MDGA2: variants seen among roughly 807,000 people sequenced by gnomAD.
MDGA2 encodes the protein MAM domain containing glycosylphosphatidylinositol anchor 2.
MDGA2 carries 40 observed loss-of-function variants against 117.8 expected under a neutral mutation model. The ratio of observed to expected loss-of-function variants is 0.34; its 90% CI spans 0.26 to 0.44. The LOEUF (loss-of-function observed/expected upper bound fraction) is 0.44. Among genes scored for constraint, MDGA2 ranks in the 20% least tolerant of loss-of-function variants. The pLI, the probability that MDGA2 is intolerant of heterozygous loss-of-function variation, is 1.00. For synonymous variants in MDGA2, 452 were observed against 439.0 expected (o/e 1.03, Z -0.37); for missense variants, 1,123 against 1,250.6 (o/e 0.90, Z 1.54).
intron 3 of MDGA2, among the ~76,000 whole-genome samples, chr14:47,155,876 C>T (rs1222607211): frequency 7.9e-4 from 30 of 37,822 alleles, no homozygotes; most frequent in African/African-American, 3.7e-3. Flanking sequence ...CTTTTCTTTT[C>T]TTCTTCTTCT....
chr14:47,384,730 C>T (rs2138425017), intron 1 of MDGA2, among the ~76,000 whole-genome samples: 1 of 152,188 alleles, frequency 6.6e-6, no homozygotes, highest in East Asian at 1.9e-4. Context: ...ACCTGATATA[C>T]CCACTTAAGA....
intron 8 of MDGA2, among the ~76,000 whole-genome samples, chr14:46,986,353 ATTCT>A (rs1410470977): frequency 6.6e-6 from 1 of 152,094 alleles, no homozygotes; most frequent in African/African-American, 2.4e-5. Flanking sequence ...CTCTTCAGGA[ATTCT>A]TTCTGAGGTA....
At chr14:47,556,802 A>G (rs1306887096) in intron 1 of MDGA2, among the ~76,000 whole-genome samples, 2 of 152,248 alleles carry the variant, frequency 1.3e-5, no homozygotes, top group African/African-American at 2.4e-5. Context: ...TTTAATTGGT[A>G]CAGTTCCTCG....
intron 1 of MDGA2, among the ~76,000 whole-genome samples, chr14:47,665,323 C>A (rs1897923895): frequency 6.6e-6 from 1 of 152,144 alleles, no homozygotes; most frequent in South Asian, 2.1e-4. Flanking sequence ...TTGTTTCTAT[C>A]TCCTGGATTC....
intron 1 of MDGA2, among the ~76,000 whole-genome samples, chr14:47,350,655 AT>A (rs1435529018): frequency 6.6e-6 from 1 of 152,202 alleles, no homozygotes; most frequent in African/African-American, 2.4e-5. Context: ...TTCTGAAATA[AT>A]TTCTAAAATC....
rs1037565814 is a variant in MDGA2 at position 47,675,594 on chromosome 14, G to C, written c.-798C>G. Among the ~76,000 whole-genome samples, 1 of 152,192 alleles carries C rather than the reference G, an allele frequency of 6.6e-6. No homozygotes were observed. The highest frequency in any genetic ancestry group is 2.4e-5 in the African/African-American group (1 of 41,450). On this transcript the variant is annotated 5_prime_UTR_variant, in exon 1 of 17. Transcript: ENST00000399232. ...AGAGTCCAGGCACCGCCACTTGCAA[G>C]AGAGGGAGAATGCCAGGCAAATACC... is the stretch of plus-strand genomic sequence containing the variant.
intron 1 of MDGA2, among the ~76,000 whole-genome samples, chr14:47,322,544 A>G (rs1028113829): frequency 1.3e-4 from 20 of 152,284 alleles, no homozygotes; most frequent in Admixed American, 1.0e-3. Context: ...ACAGAGCTCA[A>G]TCAGATTTTA....
intron 1 of MDGA2, among the ~76,000 whole-genome samples, chr14:47,435,655 G>A (rs947851498): frequency 6.6e-5 from 10 of 152,062 alleles, no homozygotes; most frequent in Non-Finnish European, 1.5e-4. Context: ...ATGGCCATTT[G>A]CATTCATGGT....
intron 1 of MDGA2, among the ~76,000 whole-genome samples, chr14:47,535,456 T>C (rs1248996264): frequency 6.6e-6 from 1 of 152,202 alleles, no homozygotes; most frequent in Non-Finnish European, 1.5e-5. Context: ...GGGGCTGCTT[T>C]TGTGAAAGAC....
chr14:47,398,040 TA>T (rs1165582264), intron 1 of MDGA2, among the ~76,000 whole-genome samples: 2 of 152,186 alleles, frequency 1.3e-5, no homozygotes, highest in Admixed American at 1.3e-4. Context: ...ATTATTAACC[TA>T]ATTTTACAGA....
intron 5 of MDGA2, among the ~76,000 whole-genome samples, chr14:47,119,142 C>T (rs1375955662): frequency 7.0e-6 from 1 of 142,258 alleles, no homozygotes; most frequent in African/African-American, 2.6e-5. Flanking sequence ...GCTCCGCCTC[C>T]TGGGTTCACG....
chr14:47,361,945 T>G (rs574091228), intron 1 of MDGA2, among the ~76,000 whole-genome samples: 1 of 152,342 alleles, frequency 6.6e-6, no homozygotes, highest in Admixed American at 6.5e-5. Flanking sequence ...GATTTTCTGG[T>G]GGTAAAATAT....
intron 14 of MDGA2, among the ~76,000 whole-genome samples, chr14:46,858,802 T>C (rs2138313991): frequency 6.6e-6 from 1 of 152,306 alleles, no homozygotes; most frequent in African/African-American, 2.4e-5. Flanking sequence ...TACGAACTGA[T>C]GTTAACTTTT....
chr14:47,432,711 T>C (rs1242324296), intron 1 of MDGA2, among the ~76,000 whole-genome samples: 1 of 152,132 alleles, frequency 6.6e-6, no homozygotes, highest in African/African-American at 2.4e-5. Context: ...AAATTGATCT[T>C]CCGATCTTGA....
At position 47,308,738 on chromosome 14, in the gene MDGA2, G is replaced by A. The variant is rs954051181; in HGVS notation, c.281-7188C>T. Among the ~76,000 whole-genome samples, 3 of 150,724 alleles carry A rather than the reference G, an allele frequency of 2.0e-5. No individual in the cohort carries two copies. The East Asian group carries it at 5.9e-4, about 30-fold the overall frequency. Reference sequence around the variant, plus strand: ...GGACTCCTCTTGTCTTTCCTTTACTGTCTAGTGATTAGAAATAATGATAAC... The same window carrying A: ...GGACTCCTCTTGTCTTTCCTTTACTATCTAGTGATTAGAAATAATGATAAC... On this transcript the variant is annotated intron_variant, in intron 1 of 16. Coordinates refer to ENST00000399232, the MANE Select transcript of MDGA2 (RefSeq NM_001113498.3).
intron 1 of MDGA2, among the ~76,000 whole-genome samples, chr14:47,380,390 T>C (rs1341246265): frequency 2.6e-5 from 4 of 151,982 alleles, no homozygotes; most frequent in Admixed American, 6.6e-5. Flanking sequence ...CTGACAGAGA[T>C]AGAGACACAA....
At chr14:47,440,453 C>G (rs557308649) in intron 1 of MDGA2, among the ~76,000 whole-genome samples, 40 of 152,200 alleles carry the variant, frequency 2.6e-4, no homozygotes, top group African/African-American at 8.7e-4. Context: ...GAAACCTTGT[C>G]TTAGCGTCTG....
intron 1 of MDGA2, among the ~76,000 whole-genome samples, chr14:47,529,895 T>C (rs1178395035): frequency 2.6e-5 from 4 of 152,216 alleles, no homozygotes; most frequent in East Asian, 1.9e-4. Context: ...CTGTTTGCCA[T>C]AGTGGTTAGA....
intron 1 of MDGA2, among the ~76,000 whole-genome samples, chr14:47,597,226 T>C (rs1432090417): frequency 6.6e-6 from 1 of 152,122 alleles, no homozygotes; most frequent in Non-Finnish European, 1.5e-5. Context: ...TTAAAATAAA[T>C]TCAAGATTAT....
Sources: allele counts gnomAD v4.1 joint callset (sites outside exome capture counted in the v4.1 genomes callset), GRCh38; gene constraint gnomAD v4.1.1; transcripts MANE v1.5; gene names NCBI Gene and HGNC (gene_info 2026-07-23, HGNC 2026-07-21).